DCLK1: variants seen among roughly 807,000 people sequenced by gnomAD.
DCLK1 encodes the protein doublecortin like kinase 1.
DCLK1 carries 16 observed loss-of-function variants against 86.2 expected under a neutral mutation model. That is an observed-to-expected ratio of 0.19 (90% CI 0.13 to 0.28). DCLK1 has a LOEUF of 0.28. Ranked by LOEUF, DCLK1 falls within the 10% of genes least tolerant of loss-of-function variation. DCLK1 has a pLI of 1.00. For synonymous variants in DCLK1, 369 were observed against 370.5 expected (o/e 1.00, Z 0.05); for missense variants, 590 against 940.2 (o/e 0.63, Z 4.87).
chr13:35,944,430 C>T (rs1877253777), intron 4 of DCLK1, among the ~76,000 whole-genome samples: 1 of 152,088 alleles, frequency 6.6e-6, no homozygotes, highest in Non-Finnish European at 1.5e-5. Context: ...CATCGATGTG[C>T]AAATACCACT....
chr13:35,842,904 T>G (rs1869905352), intron 6 of DCLK1, among the ~76,000 whole-genome samples: 1 of 152,248 alleles, frequency 6.6e-6, no homozygotes, highest in African/African-American at 2.4e-5. Context: ...CCACCAATTC[T>G]TCACTAAACC....
intron 5 of DCLK1, among the ~76,000 whole-genome samples, chr13:35,865,446 C>T (rs138871145): frequency 6.6e-6 from 1 of 152,324 alleles, no homozygotes; most frequent in Admixed American, 6.5e-5. Context: ...TGTCTCAGCA[C>T]GCAATTTGTC....
intron 3 of DCLK1, among the ~76,000 whole-genome samples, chr13:36,059,714 T>C (rs934031678): frequency 1.3e-5 from 2 of 152,086 alleles, no homozygotes; most frequent in Non-Finnish European, 2.9e-5. Context: ...TAAACAAATA[T>C]GCTACAAGTA....
intron 4 of DCLK1, among the ~76,000 whole-genome samples, chr13:35,921,366 C>T (rs1450087620): frequency 2.0e-5 from 3 of 152,068 alleles, no homozygotes; most frequent in African/African-American, 7.2e-5. Context: ...CACAACACCC[C>T]ACTCTCACCC....
At chr13:35,923,903 C>G (rs1481355383) in intron 4 of DCLK1, among the ~76,000 whole-genome samples, 3 of 152,112 alleles carry the variant, frequency 2.0e-5, no homozygotes, top group Non-Finnish European at 4.4e-5. Context: ...AGAAGCAGAA[C>G]AAATGCACAT....
chr13:35,803,309 T>A (rs776279591), intron 15 of DCLK1, among the ~76,000 whole-genome samples: 2 of 152,322 alleles, frequency 1.3e-5, no homozygotes, highest in South Asian at 4.1e-4. Context: ...TAGAAAAGGA[T>A]AACTTTTGCT....
chr13:35,951,871 A>G (rs1347167849), intron 3 of DCLK1, among the ~76,000 whole-genome samples: 3 of 152,130 alleles, frequency 2.0e-5, no homozygotes, highest in African/African-American at 7.2e-5. Flanking sequence ...GTTTCTGTAG[A>G]TCCTAGCTTC....
intron 16 of DCLK1, among the ~76,000 whole-genome samples, chr13:35,781,485 ATG>A (rs1355095684): frequency 6.6e-5 from 10 of 152,204 alleles, no homozygotes; most frequent in Non-Finnish European, 4.4e-5. Context: ...CTTACAGTCT[ATG>A]GACCAAACAT....
intron 4 of DCLK1, among the ~76,000 whole-genome samples, chr13:35,937,401 T>G (rs1876823994): frequency 6.6e-6 from 1 of 152,064 alleles, no homozygotes; most frequent in African/African-American, 2.4e-5. Context: ...CTCATCCCCA[T>G]TCCAATCTTG....
chr13:35,905,632 T>C (rs769874450), intron 4 of DCLK1, among the ~76,000 whole-genome samples: 17 of 152,180 alleles, frequency 1.1e-4, no homozygotes, highest in Admixed American at 3.9e-4. Context: ...ATGAGTTAAT[T>C]TGTTCTCTTC....
chr13:35,918,703 T>C (rs1361476705), intron 4 of DCLK1, among the ~76,000 whole-genome samples: 1 of 152,072 alleles, frequency 6.6e-6, no homozygotes, highest in Non-Finnish European at 1.5e-5. Flanking sequence ...AAGCCCATTA[T>C]TGGCAAAGAA....
At chr13:35,990,368 T>G (rs1469365020) in intron 3 of DCLK1, among the ~76,000 whole-genome samples, 1 of 152,126 alleles carries the variant, frequency 6.6e-6, no homozygotes. Context: ...TTGAAGCACA[T>G]CCTTTCTCCC....
At chr13:35,867,909 A>AAAAGAAAGAAAGAAAG (rs34489580) in intron 5 of DCLK1, among the ~76,000 whole-genome samples, 11,328 of 102,190 alleles carry the variant, frequency 0.11, 817 homozygotes, top group East Asian at 0.12. Flanking sequence ...GAAAGAAAGA[A>AAAAGAAAGAAAGAAAG]AAAGAAAGAA....
At chr13:35,797,057 C>T (rs111614655) in intron 15 of DCLK1, among the ~76,000 whole-genome samples, 5 of 152,096 alleles carry the variant, frequency 3.3e-5, no homozygotes, top group Non-Finnish European at 5.9e-5. Context: ...CTATTAGGGC[C>T]GGGACTCTAG....
At chr13:35,931,445 A>G (rs1236897649) in intron 4 of DCLK1, among the ~76,000 whole-genome samples, 1 of 152,246 alleles carries the variant, frequency 6.6e-6, no homozygotes, top group Non-Finnish European at 1.5e-5. Context: ...CAGCTGGCCA[A>G]AAGCTAACCA....
intron 4 of DCLK1, among the ~76,000 whole-genome samples, chr13:35,900,794 C>G (rs1251240172): frequency 6.6e-6 from 1 of 152,162 alleles, no homozygotes; most frequent in Non-Finnish European, 1.5e-5. Flanking sequence ...CCAAATGTAC[C>G]TTGGGGGACA....
At chr13:35,882,250 CT>C (rs1399003081) in intron 4 of DCLK1, among the ~76,000 whole-genome samples, 3 of 152,148 alleles carry the variant, frequency 2.0e-5, no homozygotes, top group Admixed American at 6.5e-5. Flanking sequence ...CTCTGTGTGT[CT>C]GTGTTATTTC....
chr13:35,939,699 T>C (rs1267136983), intron 4 of DCLK1, among the ~76,000 whole-genome samples: 1 of 152,234 alleles, frequency 6.6e-6, no homozygotes, highest in Non-Finnish European at 1.5e-5. Context: ...CCCGGCCCTA[T>C]ACTGTTTCTT....
chr13:36,110,291 T>A (rs1885564785), intron 3 of DCLK1, among the ~76,000 whole-genome samples: 1 of 152,138 alleles, frequency 6.6e-6, no homozygotes. Flanking sequence ...AACTTTCTGG[T>A]CATTGATAGA....
Sources: allele counts gnomAD v4.1 joint callset (sites outside exome capture counted in the v4.1 genomes callset), GRCh38; gene constraint gnomAD v4.1.1; transcripts MANE v1.5; gene names NCBI Gene and HGNC (gene_info 2026-07-23, HGNC 2026-07-21).